Variants in PRSS3 observed in about 807,000 individuals in gnomAD.
PRSS3 encodes serine protease 3.
PRSS3 carries 14 observed loss-of-function variants against 20.8 expected under a neutral mutation model. That is an observed-to-expected ratio of 0.67 (90% CI 0.44 to 1.05). The LOEUF (loss-of-function observed/expected upper bound fraction) is 1.05. Among genes scored for constraint, PRSS3 ranks in the 50% least tolerant of loss-of-function variants. The pLI is 0.00. For synonymous variants in PRSS3, 91 were observed against 117.6 expected (o/e 0.77, Z 1.46); for missense variants, 237 against 306.4 (o/e 0.77, Z 1.69).
At chr9:33,774,580 G>C (rs1454100529) in intron 1 of PRSS3, among the ~76,000 whole-genome samples, 1 of 152,138 alleles carries the variant, frequency 6.6e-6, no homozygotes, top group East Asian at 1.9e-4. Flanking sequence ...TGCAAAGCTG[G>C]TTTTTCTGCA....
intron 1 of PRSS3, among the ~76,000 whole-genome samples, chr9:33,754,977 G>T (rs1158875261): frequency 6.6e-6 from 1 of 152,174 alleles, no homozygotes; most frequent in African/African-American, 2.4e-5. Flanking sequence ...ATTTGTTTTG[G>T]TTTTTTGTTT....
Position 33,750,873 on chromosome 9 carries a change from T to C in PRSS3, c.-53+146T>C. 1 of 1,360,018 alleles carries C rather than the reference T, an allele frequency of 7.4e-7. No homozygotes were observed. Among genetic ancestry groups the C allele is most frequent in the Non-Finnish European group, 9.4e-7 (1 of 1,061,228 alleles). 84.2% of individuals were successfully genotyped at this position (1,360,018 alleles called of 1,614,324 possible). On this transcript the variant is annotated intron_variant, in intron 1 of 5. Transcript: ENST00000342836. This position sits in a 1 kb window ranked among gnomAD's most constrained non-coding sequence, Gnocchi z 4.8. ...GGAGGGTACGCGGACAGGGAGGGGA[T>C]ACCGACTGGGAGGGGCTCAGGGACA...
At chr9:33,789,476 TA>T in intron 1 of PRSS3, among the ~76,000 whole-genome samples, 1 of 152,296 alleles carries the variant, frequency 6.6e-6, no homozygotes, top group East Asian at 1.9e-4. Flanking sequence ...TATTCTTTGT[TA>T]ACTGTTTCTA....
At chr9:33,760,183 T>C (rs1823126904) in intron 1 of PRSS3, among the ~76,000 whole-genome samples, 2 of 57,984 alleles carry the variant, frequency 3.4e-5, no homozygotes, top group Admixed American at 4.2e-4. Context: ...TATGTAAGGT[T>C]TTTTTTTTTT....
At chr9:33,768,649 G>T (rs972214826) in intron 1 of PRSS3, among the ~76,000 whole-genome samples, 1 of 151,704 alleles carries the variant, frequency 6.6e-6, no homozygotes, top group Non-Finnish European at 1.5e-5. Context: ...CTGAGGTCAG[G>T]AGTTTGAGAC....
intron 1 of PRSS3, among the ~76,000 whole-genome samples, chr9:33,759,521 C>G (rs1001237450): frequency 1.3e-5 from 2 of 151,974 alleles, no homozygotes; most frequent in Admixed American, 6.6e-5. Context: ...CAGAATGGCT[C>G]CCAGGATTCT....
intron 1 of PRSS3, among the ~76,000 whole-genome samples, chr9:33,754,098 T>C (rs1822823730): frequency 1.3e-5 from 2 of 152,072 alleles, no homozygotes; most frequent in Admixed American, 6.5e-5. Context: ...CTCTCGTCTC[T>C]TTCTTTCTTT....
At chr9:33,785,424 G>A (rs1236051891) in intron 1 of PRSS3, among the ~76,000 whole-genome samples, 5 of 151,690 alleles carry the variant, frequency 3.3e-5, no homozygotes, top group Non-Finnish European at 5.9e-5. Flanking sequence ...TGATCCGCCC[G>A]CCTCGGCCTC....
At chr9:33,756,981 G>C (rs1015951121) in intron 1 of PRSS3, among the ~76,000 whole-genome samples, 1 of 152,196 alleles carries the variant, frequency 6.6e-6, no homozygotes, top group Non-Finnish European at 1.5e-5. Flanking sequence ...GGCAGAGAAA[G>C]CCTTCTTGAT....
chr9:33,754,746 G>A (rs532319772), intron 1 of PRSS3, among the ~76,000 whole-genome samples: 2 of 152,196 alleles, frequency 1.3e-5, no homozygotes, highest in African/African-American at 2.4e-5. Context: ...CAGGAGAATC[G>A]CTTGAACCCA....
At position 33,797,854 on chromosome 9, in the gene PRSS3, C is replaced by T. The variant is rs1563970148; in HGVS notation, c.226C>T (p.His76Tyr). 6.2e-7 allele frequency: 1 copy of T among 1,614,256 alleles called. No individual in the cohort carries two copies. Among genetic ancestry groups the T allele is most frequent in the South Asian group, 1.1e-5 (1 of 91,090 alleles). Residue 76 changes from histidine (H) to tyrosine (Y), a missense_variant, in exon 3 of 5, where the codon CAC (histidine) becomes TAC (tyrosine). Transcript: ENST00000379405. ...KTRIQVRLGEHNIKVLEGNEQ... is the reference protein window; with the variant it reads ...KTRIQVRLGEYNIKVLEGNEQ... The stretch of plus-strand genomic sequence containing the variant: ...CCGCATCCAGGTGAGACTGGGAGAG[C>T]ACAACATCAAAGTCCTGGAGGGGAA...
chr9:33,782,967 T>C (rs1164392318), intron 1 of PRSS3, among the ~76,000 whole-genome samples: 2 of 152,184 alleles, frequency 1.3e-5, no homozygotes, highest in East Asian at 1.9e-4. Context: ...TGGAGACATC[T>C]TGAACGTCCA....
chr9:33,751,607 G>A (rs1331951639), intron 1 of PRSS3, among the ~76,000 whole-genome samples: 1 of 152,204 alleles, frequency 6.6e-6, no homozygotes, highest in African/African-American at 2.4e-5. Flanking sequence ...ACTGCTTTCT[G>A]CCGTGTCTGC....
chr9:33,781,325 C>A (rs1201143744), intron 1 of PRSS3, among the ~76,000 whole-genome samples: 1 of 152,306 alleles, frequency 6.6e-6, no homozygotes, highest in Non-Finnish European at 1.5e-5. Context: ...AACATATATG[C>A]TATGGAATAC....
intron 1 of PRSS3, among the ~76,000 whole-genome samples, chr9:33,761,206 T>A (rs1291797825): frequency 6.6e-6 from 1 of 152,210 alleles, no homozygotes; most frequent in Non-Finnish European, 1.5e-5. Context: ...TGGCATAGCC[T>A]ACTACACATC....
At chr9:33,775,057 T>TAA (rs1268310276) in intron 1 of PRSS3, among the ~76,000 whole-genome samples, 172 of 108,332 alleles carry the variant, frequency 1.6e-3, no homozygotes, top group Middle Eastern at 5.0e-3. Flanking sequence ...TTTCTTTCTG[T>TAA]AAAAAAAAAA....
chr9:33,779,997 G>T (rs1426478698), intron 1 of PRSS3, among the ~76,000 whole-genome samples: 1 of 147,624 alleles, frequency 6.8e-6, no homozygotes, highest in South Asian at 2.3e-4. Flanking sequence ...AAATGTATTT[G>T]AAAAACACCA....
upstream of PRSS3, among the ~76,000 whole-genome samples, chr9:33,794,358 C>T (rs796242407): frequency 1.3e-5 from 2 of 152,186 alleles, no homozygotes; most frequent in Non-Finnish European, 2.9e-5. Context: ...TTCCTTACAT[C>T]ATTAGACTTG....
intron 1 of PRSS3, among the ~76,000 whole-genome samples, chr9:33,790,403 T>C (rs1824580741): frequency 6.6e-6 from 1 of 152,198 alleles, no homozygotes; most frequent in Non-Finnish European, 1.5e-5. Flanking sequence ...TATATATCCA[T>C]AGGCTAGATG....
Sources: gnomAD v4.1 joint callset for allele counts (sites outside exome capture counted in the v4.1 genomes callset) on GRCh38, gnomAD v4.1.1 for gene constraint, Gnocchi (gnomAD v3.1) non-coding constraint, MANE v1.5 for transcripts, NCBI Gene and HGNC (gene_info 2026-07-23, HGNC 2026-07-21) for gene names.